The following LAP3 variants were observed in gnomAD, a reference collection of about 807,000 sequenced individuals.
LAP3 encodes leucine aminopeptidase 3.
A neutral mutation model predicts 58.8 loss-of-function variants in LAP3; 46 were observed. The ratio of observed to expected loss-of-function variants is 0.78; its 90% CI spans 0.62 to 1.00. The LOEUF (loss-of-function observed/expected upper bound fraction) is 1.00, where lower values mean the gene tolerates loss of function less well. LAP3 is among the 50% of genes least tolerant of loss of function. LAP3 has a pLI of 0.00. For synonymous variants in LAP3, 257 were observed against 237.7 expected, an observed-to-expected ratio of 1.08 and a Z score of -0.75; for missense variants, 615 against 659.1, an observed-to-expected ratio of 0.93 and a Z score of 0.73.
intron 6 of LAP3, among the ~76,000 whole-genome samples, chr4:17,587,954 T>G (rs1713570038): frequency 6.6e-6 from 1 of 152,064 alleles, no homozygotes; most frequent in South Asian, 2.1e-4. Context: ...ATTTTTTTTT[T>G]TTTTCATTTT....
At chr4:17,598,930 T>G (rs2109023155) in intron 10 of LAP3, among the ~76,000 whole-genome samples, 1 of 151,666 alleles carries the variant, frequency 6.6e-6, no homozygotes, top group Non-Finnish European at 1.5e-5. Context: ...AGAGACGGGG[T>G]TTTTGCCATG....
chr4:17,591,383 C>CTG lies in LAP3; in HGVS notation c.863+2406_863+2407insTG, dbSNP rs1477085521. On this transcript the variant is annotated intron_variant, in intron 7 of 12. Coordinates refer to ENST00000226299, the MANE Select transcript of LAP3 (RefSeq NM_015907.3). Reference sequence around the variant, plus strand: ...GTCTCAAACTCCTGATCTCGTGATCCCCCCACCTTGGCCTCCCAAAGTGCT... The same window carrying CTG: ...GTCTCAAACTCCTGATCTCGTGATCCTGCCCCACCTTGGCCTCCCAAAGTGCT... 2.0e-5 allele frequency among the ~76,000 whole-genome samples: 3 copies of CTG among 148,890 alleles called. No homozygotes were observed. In the East Asian group the frequency reaches 6.1e-4, roughly 30 times the overall value.
At chr4:17,606,729 G>A (rs1012891036) in intron 11 of LAP3, 100 bp from the exon 12 acceptor site, 2 of 692,662 alleles carry the variant, frequency 2.9e-6, no homozygotes, top group African/African-American at 1.8e-5. Context: ...TAGAGTAACA[G>A]GTTAGAACAA....
chr4:17,595,044 A>G (rs1025959189), intron 7 of LAP3, among the ~76,000 whole-genome samples: 3 of 151,874 alleles, frequency 2.0e-5, no homozygotes, highest in Non-Finnish European at 4.4e-5. Flanking sequence ...AATGCCTGTA[A>G]TCCCAGCACT....
At chr4:17,599,755 A>G (rs1713940933) in intron 10 of LAP3, among the ~76,000 whole-genome samples, 2 of 151,928 alleles carry the variant, frequency 1.3e-5, no homozygotes, top group African/African-American at 4.8e-5. Context: ...GTCATAAGGA[A>G]ATAAAAACAT....
chr4:17,589,893 C>T (rs929320319), intron 7 of LAP3, among the ~76,000 whole-genome samples: 4 of 152,188 alleles, frequency 2.6e-5, no homozygotes, highest in Non-Finnish European at 4.4e-5. Context: ...ATGATTACTT[C>T]TTTTAGCTGA....
At chr4:17,597,551 G>A (rs369257825) in intron 9 of LAP3, among the ~76,000 whole-genome samples, 1 of 152,200 alleles carries the variant, frequency 6.6e-6, no homozygotes, top group Non-Finnish European at 1.5e-5. Flanking sequence ...TTACAGGCGC[G>A]AGCCACCATT....
At chr4:17,595,731 T>C (rs1254474499) in intron 8 of LAP3, among the ~76,000 whole-genome samples, 197 bp downstream of exon 8, 1 of 152,174 alleles carries the variant, frequency 6.6e-6, no homozygotes, top group African/African-American at 2.4e-5. Context: ...TTGCAACCAG[T>C]GGGCTGTAAC....
intron 7 of LAP3, among the ~76,000 whole-genome samples, chr4:17,589,360 C>T (rs187358091): frequency 4.3e-4 from 66 of 152,012 alleles, no homozygotes; most frequent in African/African-American, 1.6e-3. Flanking sequence ...TGTGCCTGGC[C>T]GGTTTATAGT....
chr4:17,589,092 AC>A, intron 7 of LAP3, 115 bp downstream of exon 7: 1 of 1,058,878 alleles, frequency 9.4e-7, no homozygotes, highest in Non-Finnish European at 1.4e-6. Flanking sequence ...GCAGAGTCTC[AC>A]CCTGTCACCC....
intron 2 of LAP3, among the ~76,000 whole-genome samples, chr4:17,580,809 T>C (rs1713343657): frequency 6.6e-6 from 1 of 152,198 alleles, no homozygotes; most frequent in Non-Finnish European, 1.5e-5. Context: ...AGGGAAACAT[T>C]GTAACTGCAT....
intron 10 of LAP3, among the ~76,000 whole-genome samples, chr4:17,603,979 C>G (rs1714050176): frequency 6.6e-6 from 1 of 151,944 alleles, no homozygotes; most frequent in African/African-American, 2.4e-5. Context: ...AGGCACCACG[C>G]TCAGCTAATT....
In LAP3 at chr4:17,597,073, C is replaced by T; in HGVS notation, c.1016C>T (p.Pro339Leu). The stretch of plus-strand genomic sequence containing the variant: ...CTGGCCCCTCTTTGTGAAAATATGC[C>T]CAGCGGCAAGGCCAACAAGCCGGGG... The part of the protein sequence containing the change: ...IGLAPLCENM[P>L]SGKANKPGDV... The change falls in exon 9 of 13, where the codon CCC (proline) becomes CTC (leucine). Residue 339 changes from proline to leucine, a missense_variant. Coordinates refer to ENST00000226299, the MANE Select transcript of LAP3 (RefSeq NM_015907.3). The T allele has an allele frequency of 6.2e-7, 1 of 1,614,164 alleles. No individual in the cohort carries two copies. Among genetic ancestry groups the T allele is most frequent in the South Asian group, 1.1e-5 (1 of 91,084 alleles).
chr4:17,592,938 A>G (rs1184299574), intron 7 of LAP3, among the ~76,000 whole-genome samples: 2 of 152,202 alleles, frequency 1.3e-5, no homozygotes, highest in African/African-American at 2.4e-5. Flanking sequence ...AGCCGGGACT[A>G]TAGGCACACA....
chr4:17,585,215 C>G, intron 6 of LAP3, 79 bp downstream of exon 6: 15 of 1,203,894 alleles, frequency 1.2e-5, no homozygotes, highest in Non-Finnish European at 1.8e-5. Flanking sequence ...AGCTCCCTCA[C>G]TTTTTAGAGG....
chr4:17,588,190 G>A (rs944385294), intron 6 of LAP3, among the ~76,000 whole-genome samples: 12 of 121,258 alleles, frequency 9.9e-5, no homozygotes, highest in African/African-American at 3.4e-4. Context: ...AACATGCCTG[G>A]CTAATTTTTT....
At chr4:17,604,456 T>C (rs758465926) in intron 10 of LAP3, 132 bp from the exon 11 acceptor site, 10 of 646,794 alleles carry the variant, frequency 1.5e-5, no homozygotes, top group Non-Finnish European at 2.5e-5. Flanking sequence ...AGGAAAGATT[T>C]CCTAAGCTTA....
At chr4:17,578,083 G>A (rs572087581) in intron 1 of LAP3, among the ~76,000 whole-genome samples, 5 of 152,376 alleles carry the variant, frequency 3.3e-5, no homozygotes, top group African/African-American at 9.6e-5. Flanking sequence ...CCAGAATTAA[G>A]AGCATCTTCC....
intron 10 of LAP3, among the ~76,000 whole-genome samples, chr4:17,600,132 TA>T (rs1023920948): frequency 6.6e-6 from 1 of 152,086 alleles, no homozygotes; most frequent in African/African-American, 2.4e-5. Flanking sequence ...TACCCCTTTT[TA>T]AAAAAAATTA....
Sources: allele counts gnomAD v4.1 joint callset (sites outside exome capture counted in the v4.1 genomes callset), GRCh38; gene constraint gnomAD v4.1.1; transcripts MANE v1.5; gene names NCBI Gene and HGNC (gene_info 2026-07-23, HGNC 2026-07-21).